FNDC11: variants seen among roughly 807,000 people sequenced by gnomAD.
FNDC11 encodes fibronectin type III domain containing 11.
In FNDC11, 15 loss-of-function variants were observed where a neutral mutation model predicts 15.8. The ratio of observed to expected loss-of-function variants is 0.95; its 90% CI spans 0.63 to 1.46. The LOEUF (loss-of-function observed/expected upper bound fraction) is 1.46, where lower values mean the gene tolerates loss of function less well. Among genes scored for constraint, FNDC11 ranks in the 40% most tolerant of loss-of-function variants. FNDC11 has a pLI of 0.00. For missense variants in FNDC11, 416 were observed against 443.4 expected, an observed-to-expected ratio of 0.94 and a Z score of 0.55; for synonymous variants, 190 against 203.1, an observed-to-expected ratio of 0.94 and a Z score of 0.55.
In FNDC11 at chr20:63,556,624, A is replaced by G. The variant is rs776579504; in HGVS notation, c.*4A>G. The G allele has an allele frequency of 2.5e-6, 4 of 1,596,812 alleles. No homozygotes were observed. Among genetic ancestry groups the G allele is most frequent in the Non-Finnish European group, 3.4e-6 (4 of 1,169,690 alleles). On this transcript the variant is annotated 3_prime_UTR_variant, in exon 2 of 2. Transcript: ENST00000370097. ...CGCCCTCAGCCACTCTGTCTGAGAG[A>G]TGATTTTCTAATATTTATCCACTAA...
chr20:63,556,537 G>A lies in FNDC11; in HGVS notation c.874G>A (p.Val292Met), dbSNP rs2082816927. The change falls in exon 2 of 2, where the codon GTG becomes ATG. Residue 292 changes from valine to methionine, a missense_variant. Physicochemically the swap from Val to Met is conservative, Grantham distance 21. Transcript: ENST00000370097. ...CAAGAGGGCCGAGACCTCCACGCTG[G>A]TGTACGAGCCCTGGAGGGACAGCCT... The part of the protein sequence containing the change: ...TIKRAETSTL[V>M]YEPWRDSLTL... 6.2e-7 allele frequency: 1 copy of A among 1,613,568 alleles called. No homozygotes were observed. The highest frequency in any genetic ancestry group is 8.5e-7 in the Non-Finnish European group (1 of 1,180,034).
chr20:63,553,725 G>A (rs538770003), upstream of FNDC11: 1 of 153,566 alleles, frequency 6.5e-6, no homozygotes, highest in East Asian at 1.9e-4. Flanking sequence ...AGAGCCCGCG[G>A]CGGGGGAAGC....
rs753699700 is a variant in FNDC11, at chr20:63,556,493, G to A, written c.830G>A (p.Arg277Gln). ...TFDVRNLLPN[R>Q]SYKFTIKRAE... ...GACGTCCGAAACCTGCTGCCCAACC[G>A]ATCCTATAAGTTCACCATCAAGAGG... The change falls in exon 2 of 2, where the codon CGA becomes CAA. Residue 277 changes from arginine to glutamine, a missense_variant. Transcript: ENST00000370097. 1.5e-5 allele frequency: 25 copies of A among 1,613,512 alleles called. No individual in the cohort carries two copies. The highest frequency in any genetic ancestry group is 2.0e-5 in the Non-Finnish European group (24 of 1,180,020).
Position 63,555,647 on chromosome 20 carries a change from C to A in FNDC11, c.-10-7C>A. On this transcript the variant is annotated splice_region_variant and splice_polypyrimidine_tract_variant and intron_variant, in intron 1 of 1. Coordinates refer to ENST00000370097, the MANE Select transcript of FNDC11 (RefSeq NM_001319152.2). ...GCCTGGCAGCTGACACCCAGCCCTC[C>A]CCCCAGCTCCCGGATAATGAGCACC... 6.3e-7 allele frequency: 1 copy of A among 1,589,144 alleles called. No homozygotes were observed. The highest frequency in any genetic ancestry group is 2.3e-5 in the East Asian group (1 of 44,170).
intron 1 of FNDC11, 124 bp from the exon 2 acceptor site, chr20:63,555,530 G>A (rs1404363260): frequency 1.4e-6 from 2 of 1,414,526 alleles, no homozygotes; most frequent in Admixed American, 5.5e-5. Context: ...TTCCCATCGA[G>A]TTGTGCCCCC....
chr20:63,554,017 C>G (rs2082783646), upstream of FNDC11: 2 of 152,206 alleles, frequency 1.3e-5, no homozygotes, highest in South Asian at 4.1e-4. Flanking sequence ...ACGCGGGCCC[C>G]CAGAAGTCTG....
chr20:63,556,625 T>C lies in FNDC11; in HGVS notation c.*5T>C. 1 of 1,597,166 alleles carries C rather than the reference T, an allele frequency of 6.3e-7. No individual in the cohort carries two copies. The highest frequency in any genetic ancestry group is 1.1e-5 in the South Asian group (1 of 90,296). ...GCCCTCAGCCACTCTGTCTGAGAGA[T>C]GATTTTCTAATATTTATCCACTAAT... On this transcript the variant is annotated 3_prime_UTR_variant, in exon 2 of 2. Coordinates refer to ENST00000370097, the MANE Select transcript of FNDC11 (RefSeq NM_001319152.2).
At position 63,556,070 on chromosome 20, in the gene FNDC11, G is replaced by C; in HGVS notation, c.407G>C (p.Gly136Ala). The C allele has an allele frequency of 6.3e-7, 1 of 1,599,100 alleles. No homozygotes were observed. The highest frequency in any genetic ancestry group is 8.5e-7 in the Non-Finnish European group (1 of 1,178,978). The change falls in exon 2 of 2, where the codon GGC becomes GCC. Residue 136 changes from glycine (G) to alanine (A), a missense_variant. Gly to Ala is a moderately conservative substitution (Grantham distance 60). Coordinates refer to ENST00000370097, the MANE Select transcript of FNDC11 (RefSeq NM_001319152.2). ...GACCTGTTGGAACAGCTCGACCATG[G>C]CCGTGCTGAGCTGGATGCCCTGCTC... ...LGDLLEQLDH[G>A]RAELDALLRS...
upstream of FNDC11, chr20:63,554,055 A>G (rs1329059924): frequency 6.6e-6 from 1 of 152,054 alleles, no homozygotes; most frequent in Non-Finnish European, 1.5e-5. Flanking sequence ...AAGCGGATGG[A>G]AGATTACTCG....
chr20:63,553,401 CG>C (rs2082775616), upstream of FNDC11, among the ~76,000 whole-genome samples: 1 of 148,928 alleles, frequency 6.7e-6, no homozygotes, highest in African/African-American at 2.5e-5. Flanking sequence ...TGGGAGGGGC[CG>C]TGGTGGGGGG....
rs376368400 is a variant in FNDC11, at chr20:63,556,536, G to A, written c.873G>A (p.Leu291=). 13 of 1,613,470 alleles carry A rather than the reference G, an allele frequency of 8.1e-6. No individual in the cohort carries two copies. Among genetic ancestry groups the A allele is most frequent in the African/African-American group, 4.0e-5 (3 of 74,916 alleles). ...FTIKRAETST[L]VYEPWRDSLT... The stretch of plus-strand genomic sequence containing the variant: ...TCAAGAGGGCCGAGACCTCCACGCT[G>A]GTGTACGAGCCCTGGAGGGACAGCC... The change falls in exon 2 of 2, where the codon CTG becomes CTA. Residue 291 remains leucine, a synonymous_variant. Transcript: ENST00000370097.
At chr20:63,553,463 C>A (rs73152239), upstream of FNDC11, among the ~76,000 whole-genome samples, 13,477 of 141,934 alleles carry the variant, frequency 0.095, 751 homozygotes, top group Non-Finnish European at 0.11. Flanking sequence ...GTGGGAAGAC[C>A]CTGTGGTGGG....
In FNDC11 at chr20:63,556,023, G is replaced by T; in HGVS notation, c.360G>T (p.Lys120Asn). The change falls in exon 2 of 2, where the codon AAG (lysine) becomes AAT (asparagine). Residue 120 changes from lysine to asparagine, a missense_variant. By Grantham distance (94) the Lys-to-Asn change is moderately conservative. Transcript: ENST00000370097. Reference sequence around the variant, plus strand: ...AGAAGGTGGGCACAGCTCAGACCAAGATCCAGCTCCTGCTGCTCGGGGACC... The same window carrying T: ...AGAAGGTGGGCACAGCTCAGACCAATATCCAGCTCCTGCTGCTCGGGGACC... ...RMKKVGTAQT[K>N]IQLLLLGDLL... The T allele has an allele frequency of 6.2e-7, 1 of 1,600,238 alleles. No individual in the cohort carries two copies.
In FNDC11 at chr20:63,556,294, G is replaced by C; in HGVS notation, c.631G>C (p.Val211Leu). ...CATGCTGAGCACCAAGATGCCTGTCGTGTTTGACCGAAAGGCGTCGGCGGC... is the reference window on the plus strand; with the variant it reads ...CATGCTGAGCACCAAGATGCCTGTCCTGTTTGACCGAAAGGCGTCGGCGGC... ...WLMLSTKMPV[V>L]FDRKASAAHQ... Residue 211 changes from valine (V) to leucine (L), a missense_variant, in exon 2 of 2, where the codon GTG (valine) becomes CTG (leucine). By Grantham distance (32) the Val-to-Leu change is conservative (BLOSUM62 1). Transcript: ENST00000370097. 1 of 1,603,792 alleles carries C rather than the reference G, an allele frequency of 6.2e-7. No individual in the cohort carries two copies. The highest frequency in any genetic ancestry group is 2.2e-5 in the East Asian group (1 of 44,582).
chr20:63,556,386 G>A lies in FNDC11; in HGVS notation c.723G>A (p.Glu241=). ...AGCCAGCCACATCGGAGCAGTATGA[G>A]TTGCGCTTCAGGCTGCTGGACCCGC... ...TIQPATSEQY[E]LRFRLLDPRT... Residue 241 remains glutamate, a synonymous_variant, in exon 2 of 2, where the codon GAG becomes GAA. Coordinates refer to ENST00000370097, the MANE Select transcript of FNDC11 (RefSeq NM_001319152.2). 6.2e-7 allele frequency: 1 copy of A among 1,612,794 alleles called. No individual in the cohort carries two copies. The highest frequency in any genetic ancestry group is 8.5e-7 in the Non-Finnish European group (1 of 1,180,032).
chr20:63,556,565 C>G lies in FNDC11; in HGVS notation c.902C>G (p.Thr301Ser). The G allele has an allele frequency of 1.2e-6, 2 of 1,613,358 alleles. No individual in the cohort carries two copies. Among genetic ancestry groups the G allele is most frequent in the Non-Finnish European group, 1.7e-6 (2 of 1,180,024 alleles). ...LVYEPWRDSL[T>S]LHTKPEPLEG... ...TACGAGCCCTGGAGGGACAGCCTCA[C>G]CCTGCACACCAAGCCGGAGCCCCTG... Residue 301 changes from threonine to serine, a missense_variant, in exon 2 of 2, where the codon ACC becomes AGC. Physicochemically the swap from Thr to Ser is moderately conservative, Grantham distance 58. Coordinates refer to ENST00000370097, the MANE Select transcript of FNDC11 (RefSeq NM_001319152.2).
chr20:63,555,863 G>T lies in FNDC11; in HGVS notation c.200G>T (p.Arg67Leu), dbSNP rs373437672. ...SPHLLKRHHA[R>L]MQLLRKCSYY... ...CACCTGCTCAAGCGCCACCACGCCCGCATGCAGCTGCTGCGTAAGTGCTCC... is the reference window on the plus strand; with the variant it reads ...CACCTGCTCAAGCGCCACCACGCCCTCATGCAGCTGCTGCGTAAGTGCTCC... The change falls in exon 2 of 2, where the codon CGC becomes CTC. Residue 67 changes from arginine to leucine, a missense_variant. Physicochemically the swap from Arg to Leu is moderately radical, Grantham distance 102. Transcript: ENST00000370097. The T allele has an allele frequency of 2.5e-6, 4 of 1,612,596 alleles. No individual in the cohort carries two copies. In the East Asian group the frequency reaches 6.7e-5, roughly 27 times the overall value.
rs373437672 is a variant in FNDC11, at chr20:63,555,863, G to A, written c.200G>A (p.Arg67His). ...CACCTGCTCAAGCGCCACCACGCCCGCATGCAGCTGCTGCGTAAGTGCTCC... is the reference window on the plus strand; with the variant it reads ...CACCTGCTCAAGCGCCACCACGCCCACATGCAGCTGCTGCGTAAGTGCTCC... ...SPHLLKRHHA[R>H]MQLLRKCSYY... Residue 67 changes from arginine to histidine, a missense_variant, in exon 2 of 2, where the codon CGC becomes CAC. By Grantham distance (29) the Arg-to-His change is conservative. Transcript: ENST00000370097. 202 of 1,612,476 alleles carry A rather than the reference G, an allele frequency of 1.3e-4. No individual in the cohort carries two copies. Among genetic ancestry groups the A allele is most frequent in the Non-Finnish European group, 1.6e-4 (188 of 1,179,942 alleles).
At position 63,556,603 on chromosome 20, in the gene FNDC11, C is replaced by G; in HGVS notation, c.940C>G (p.Leu314Val). 6.2e-7 allele frequency: 1 copy of G among 1,611,226 alleles called. No individual in the cohort carries two copies. Among genetic ancestry groups the G allele is most frequent in the Non-Finnish European group, 8.5e-7 (1 of 1,178,506 alleles). Residue 314 changes from leucine (L) to valine (V), a missense_variant, in exon 2 of 2, where the codon CTC (leucine) becomes GTC (valine). Physicochemically the swap from Leu to Val is conservative, Grantham distance 32. Transcript: ENST00000370097. Reference protein sequence around the residue: ...TKPEPLEGPALSHSV With the variant: ...TKPEPLEGPAVSHSV The stretch of plus-strand genomic sequence containing the variant: ...GCCGGAGCCCCTGGAGGGGCCCGCC[C>G]TCAGCCACTCTGTCTGAGAGATGAT...
Sources: allele counts gnomAD v4.1 joint callset (sites outside exome capture counted in the v4.1 genomes callset), GRCh38; gene constraint gnomAD v4.1.1; transcripts MANE v1.5; gene names NCBI Gene and HGNC (gene_info 2026-07-23, HGNC 2026-07-21).